CEP128: variants seen among roughly 807,000 people sequenced by gnomAD.
CEP128 encodes the protein centrosomal protein 128.
Under a neutral mutation model 156.7 loss-of-function variants are expected in CEP128, and 132 were observed. That is an observed-to-expected ratio of 0.84 (90% CI 0.73 to 0.97). The LOEUF is 0.97. Ranked by LOEUF, CEP128 falls within the 50% of genes least tolerant of loss-of-function variation. The pLI is 0.00. For missense variants in CEP128, 1,252 were observed against 1,281.9 expected (o/e 0.98, Z 0.36); for synonymous variants, 469 against 448.9 (o/e 1.04, Z -0.57).
At chr14:80,538,642 A>G (rs1338323914) in intron 21 of CEP128, among the ~76,000 whole-genome samples, 1 of 152,250 alleles carries the variant, frequency 6.6e-6, no homozygotes, top group African/African-American at 2.4e-5. Context: ...ATTTCGAAGT[A>G]CATTGCATAC....
intron 19 of CEP128, among the ~76,000 whole-genome samples, chr14:80,729,977 G>A (rs1394703539): frequency 1.3e-5 from 2 of 152,048 alleles, no homozygotes; most frequent in East Asian, 1.9e-4. Context: ...AAATATTAAC[G>A]AGTACCCAAC....
chr14:80,955,841 C>G, intron 2 of CEP128: 1 of 1,614,206 alleles, frequency 6.2e-7, no homozygotes, highest in Non-Finnish European at 8.5e-7. Context: ...CCGCCCAGTA[C>G]GCAGACTCTG....
intron 22 of CEP128, 188 bp from the exon 23 acceptor site, chr14:80,527,170 T>G: frequency 5.3e-6 from 3 of 561,894 alleles, no homozygotes. Context: ...GGCTCAAACC[T>G]GTAATCCCAG....
chr14:80,701,667 C>A (rs1897079840), intron 19 of CEP128, among the ~76,000 whole-genome samples: 1 of 152,278 alleles, frequency 6.6e-6, no homozygotes, highest in South Asian at 2.1e-4. Context: ...ACGTTTAGTT[C>A]ACTTTTTCCT....
chr14:80,773,588 AT>A (rs900033598), intron 16 of CEP128, among the ~76,000 whole-genome samples: 1 of 152,078 alleles, frequency 6.6e-6, no homozygotes, highest in Non-Finnish European at 1.5e-5. Context: ...TTGCAAACGA[AT>A]TTTTTTAATT....
chr14:80,956,653 C>G (rs1886710135), intron 2 of CEP128, among the ~76,000 whole-genome samples: 1 of 150,006 alleles, frequency 6.7e-6, no homozygotes, highest in Non-Finnish European at 1.5e-5. Flanking sequence ...GACAGTAAAA[C>G]AACCTAGGCT....
At chr14:80,888,470 T>A (rs548434140) in intron 8 of CEP128, among the ~76,000 whole-genome samples, 1 of 152,272 alleles carries the variant, frequency 6.6e-6, no homozygotes, top group African/African-American at 2.4e-5. Context: ...GCAAGGCTGG[T>A]TCAACATACG....
At chr14:80,894,527 C>T (rs1489842270) in intron 8 of CEP128, 3 of 423,966 alleles carry the variant, frequency 7.1e-6, no homozygotes, top group Admixed American at 2.8e-5. Context: ...TTGGTACATC[C>T]GAAAAAATCT....
chr14:80,840,407 G>A (rs1886294424), intron 10 of CEP128, among the ~76,000 whole-genome samples: 1 of 152,086 alleles, frequency 6.6e-6, no homozygotes, highest in Non-Finnish European at 1.5e-5. Context: ...ACAAAGTCAA[G>A]TTCTTTAAAT....
At chr14:80,942,655 G>T (rs1445242439), upstream of CEP128, among the ~76,000 whole-genome samples, 1 of 151,560 alleles carries the variant, frequency 6.6e-6, no homozygotes, top group Non-Finnish European at 1.5e-5. Flanking sequence ...ATAATTCTGT[G>T]CTCTATAATC....
chr14:80,566,917 C>T (rs1352202905), intron 20 of CEP128, among the ~76,000 whole-genome samples: 6 of 147,994 alleles, frequency 4.1e-5, no homozygotes, highest in Non-Finnish European at 8.9e-5. Flanking sequence ...AAAAAAAAAA[C>T]CAACATTTTG....
intron 20 of CEP128, among the ~76,000 whole-genome samples, chr14:80,561,812 T>C (rs7148681): frequency 0.17 from 25,160 of 151,798 alleles, 2,319 homozygotes; most frequent in East Asian, 0.19. Flanking sequence ...CTTAATTTTT[T>C]ATTTTAAAGG....
chr14:80,600,275 C>T (rs1566804004), intron 19 of CEP128, among the ~76,000 whole-genome samples: 1 of 152,098 alleles, frequency 6.6e-6, no homozygotes, highest in Non-Finnish European at 1.5e-5. Flanking sequence ...ATTTGCAAAA[C>T]TGATAAGTTC....
chr14:80,656,307 A>ATTTTTATATATATATATATATATTTT (rs1555387567), intron 19 of CEP128, among the ~76,000 whole-genome samples: 1 of 13,130 alleles, frequency 7.6e-5, no homozygotes, highest in African/African-American at 3.2e-4. Flanking sequence ...ATATATATAT[A>ATTTTTATATATATATATATATATTTT]TATATATATA....
At chr14:80,751,552 C>T (rs327448) in intron 18 of CEP128, among the ~76,000 whole-genome samples, 2,031 of 151,886 alleles carry the variant, frequency 0.013, 53 homozygotes, top group African/African-American at 0.047. Flanking sequence ...TTACAGATTA[C>T]ATAATAGGAT....
chr14:80,946,503 G>T (rs1356567007), upstream of CEP128, among the ~76,000 whole-genome samples: 1 of 151,936 alleles, frequency 6.6e-6, no homozygotes, highest in Non-Finnish European at 1.5e-5. Flanking sequence ...GCTAATTCTA[G>T]ATCTAGTTTC....
chr14:80,950,491 T>C (rs1053168940), intron 2 of CEP128, among the ~76,000 whole-genome samples: 5 of 152,130 alleles, frequency 3.3e-5, no homozygotes, highest in Middle Eastern at 3.4e-3. Flanking sequence ...TTTTATGAGA[T>C]AAAAAAGACG....
chr14:80,680,684 T>C (rs1896285373), intron 19 of CEP128, among the ~76,000 whole-genome samples: 1 of 152,142 alleles, frequency 6.6e-6, no homozygotes, highest in African/African-American at 2.4e-5. Flanking sequence ...GGATGTACTC[T>C]CCTAGATTAG....
chr14:80,659,203 T>C (rs1406064635), intron 19 of CEP128, among the ~76,000 whole-genome samples: 1 of 152,184 alleles, frequency 6.6e-6, no homozygotes, highest in East Asian at 1.9e-4. Flanking sequence ...CATAGTTCAG[T>C]TGGAGAAGAA....
Sources: allele counts gnomAD v4.1 joint callset (sites outside exome capture counted in the v4.1 genomes callset), GRCh38; gene constraint gnomAD v4.1.1; transcripts MANE v1.5; gene names NCBI Gene and HGNC (gene_info 2026-07-23, HGNC 2026-07-21).